TNIK: variants seen among roughly 807,000 people sequenced by gnomAD.
TNIK encodes the protein TRAF2 and NCK interacting kinase, also known as TRAF2 and NCK-interacting protein kinase.
Under a neutral mutation model 191.3 loss-of-function variants are expected in TNIK, and 49 were observed. The ratio of observed to expected loss-of-function variants is 0.26; its 90% CI spans 0.20 to 0.32. The LOEUF (loss-of-function observed/expected upper bound fraction) is 0.32. Among genes scored for constraint, TNIK ranks in the 10% least tolerant of loss-of-function variants. The probability of loss-of-function intolerance (pLI) is 1.00; values close to 1 mark genes in which losing one functional copy is unlikely to be tolerated. For synonymous variants in TNIK, 594 were observed against 600.9 expected (o/e 0.99, Z 0.17); for missense variants, 1,155 against 1,702.3 (o/e 0.68, Z 5.66).
chr3:171,255,979 G>A (rs1291078091), intron 2 of TNIK, among the ~76,000 whole-genome samples: 1 of 152,132 alleles, frequency 6.6e-6, no homozygotes, highest in Non-Finnish European at 1.5e-5. Context: ...AAGGAAGGCA[G>A]TTGTATAGAA....
chr3:171,283,750 A>G (rs4894751), intron 2 of TNIK, among the ~76,000 whole-genome samples: 3,218 of 152,316 alleles, frequency 0.021, 48 homozygotes, highest in Middle Eastern at 0.037. Flanking sequence ...AGCACCAGGA[A>G]CTGGTTCCTA....
In TNIK at chr3:171,110,714, C is replaced by T. The variant is rs753522547; in HGVS notation, c.2284G>A (p.Ala762Thr). 2.5e-6 allele frequency: 4 copies of T among 1,586,158 alleles called. No homozygotes were observed. The highest frequency in any genetic ancestry group is 3.4e-6 in the Non-Finnish European group (4 of 1,165,622). The change falls in exon 19 of 33, where the codon GCC becomes ACC. Residue 762 changes from alanine to threonine, a missense_variant and splice_region_variant. Ala to Thr is a moderately conservative substitution (Grantham distance 58). This residue lies in a region of TNIK where 735 missense variants were observed against 848.0 expected (regional missense o/e 0.87). Transcript: ENST00000436636. ...AGSSERTRVR[A>T]NSKSEGSPVL... ...AGGTAAAGGTAAGAGAAAGTTTTAC[C>T]TCGAACTCTGGTGCGTTCACTGGAT...
Position 171,380,312 on chromosome 3 carries a change from G to A in TNIK, c.58-10627C>T, listed in dbSNP as rs1252562018. On this transcript the variant is annotated intron_variant, in intron 1 of 32. Transcript: ENST00000436636. ...AGACTAGCAAATATTTTGGCCTTTT[G>A]CCTTTTTGAAGATACTTAGATGAAG... Among the ~76,000 whole-genome samples the A allele has an allele frequency of 2.0e-5, 3 of 152,132 alleles. No individual in the cohort carries two copies. In the South Asian group the frequency reaches 6.2e-4, roughly 32 times the overall value.
chr3:171,376,796 G>C (rs551293694), intron 1 of TNIK, among the ~76,000 whole-genome samples: 1 of 140,750 alleles, frequency 7.1e-6, no homozygotes, highest in Non-Finnish European at 1.5e-5. Flanking sequence ...AGATAGATGA[G>C]AGAGATATGG....
chr3:171,123,256 A>G (rs1292534673), intron 18 of TNIK, among the ~76,000 whole-genome samples: 1 of 152,202 alleles, frequency 6.6e-6, no homozygotes, highest in Non-Finnish European at 1.5e-5. Flanking sequence ...TGCTGACTCT[A>G]AACTGATCTC....
intron 23 of TNIK, among the ~76,000 whole-genome samples, chr3:171,088,283 G>A (rs1401960473): frequency 5.4e-5 from 8 of 148,376 alleles, no homozygotes; most frequent in African/African-American, 2.0e-4. Context: ...TGCCCAGGCT[G>A]GAGTGCAGTG....
rs1219895386 is a variant in TNIK, at chr3:171,063,344, A to C, written c.*537T>G. 6.6e-6 allele frequency: 1 copy of C among 152,234 alleles called. No homozygotes were observed. Among genetic ancestry groups the C allele is most frequent in the African/African-American group, 2.4e-5 (1 of 41,464 alleles). 9.4% of individuals were successfully genotyped at this position (152,234 alleles called of 1,614,324 possible). On this transcript the variant is annotated 3_prime_UTR_variant, in exon 33 of 33. Transcript: ENST00000436636. ...GTTGGTGAAGGCAAGAGAGTTCTTA[A>C]ATTACTCCACTATGTAGTTATGGCC...
At chr3:171,171,474 C>T (rs1218559413) in intron 9 of TNIK, among the ~76,000 whole-genome samples, 1 of 152,212 alleles carries the variant, frequency 6.6e-6, no homozygotes, top group African/African-American at 2.4e-5. Context: ...CACTTAGCCT[C>T]ACTGGGCCTG....
At chr3:171,316,835 C>T (rs1754649061) in intron 2 of TNIK, among the ~76,000 whole-genome samples, 1 of 151,408 alleles carries the variant, frequency 6.6e-6, no homozygotes, top group Admixed American at 6.6e-5. Context: ...ACCCATGCAA[C>T]TACTATTTAC....
chr3:171,298,663 G>A (rs1752574128), intron 2 of TNIK, among the ~76,000 whole-genome samples: 1 of 152,154 alleles, frequency 6.6e-6, no homozygotes, highest in South Asian at 2.1e-4. Flanking sequence ...CCATGGGCCT[G>A]GGTCCCTGAA....
At chr3:171,165,416 A>AGG (rs199996312) in intron 10 of TNIK, among the ~76,000 whole-genome samples, 1 of 96,418 alleles carries the variant, frequency 1.0e-5, no homozygotes, top group Non-Finnish European at 2.1e-5. Context: ...AACTCATCTC[A>AGG]AAAAAAAAAA....
intron 2 of TNIK, among the ~76,000 whole-genome samples, chr3:171,275,490 C>G (rs183654312): frequency 1.3e-5 from 2 of 151,954 alleles, no homozygotes; most frequent in Non-Finnish European, 1.5e-5. Context: ...AAGAAGTAAA[C>G]TAGAAAAAAT....
At chr3:171,345,950 A>T (rs1453960411) in intron 2 of TNIK, among the ~76,000 whole-genome samples, 1 of 152,116 alleles carries the variant, frequency 6.6e-6, no homozygotes, top group Non-Finnish European at 1.5e-5. Flanking sequence ...TGATGAATGG[A>T]TGGATGGATG....
intron 1 of TNIK, among the ~76,000 whole-genome samples, chr3:171,439,895 G>A (rs1376310854): frequency 6.6e-6 from 1 of 152,158 alleles, no homozygotes; most frequent in Non-Finnish European, 1.5e-5. Flanking sequence ...AGCTCAGCAT[G>A]TGCTCAGTTT....
intron 7 of TNIK, among the ~76,000 whole-genome samples, chr3:171,178,845 G>A (rs1340478544): frequency 3.3e-5 from 5 of 152,184 alleles, no homozygotes; most frequent in African/African-American, 9.7e-5. Flanking sequence ...TCAAACAAAT[G>A]TCAAGGCCAC....
rs77800434 is a variant in TNIK at position 171,346,063 on chromosome 3, C to T, written c.123+23557G>A. Among the ~76,000 whole-genome samples the T allele has an allele frequency of 4.0e-3, 608 of 152,088 alleles. 3 individuals carry two copies. The highest frequency in any genetic ancestry group is 0.01 in the Middle Eastern group (3 of 294). ...TTTCTATAAGGTGGTCAGGGAAGGC[C>T]TCTCTAATAAAATGACATTTGAGTA... is the stretch of plus-strand genomic sequence containing the variant. On this transcript the variant is annotated intron_variant, in intron 2 of 32. Transcript: ENST00000436636.
At chr3:171,072,308 TAA>T (rs945545324) in intron 28 of TNIK, among the ~76,000 whole-genome samples, 1 of 152,280 alleles carries the variant, frequency 6.6e-6, no homozygotes, top group South Asian at 2.1e-4. Flanking sequence ...TAAATGACAT[TAA>T]GTTTCCAGTT....
Position 171,128,821 on chromosome 3 carries a change from C to T in TNIK, c.1666G>A (p.Ala556Thr). 1 of 1,590,668 alleles carries T rather than the reference C, an allele frequency of 6.3e-7. No individual in the cohort carries two copies. Among genetic ancestry groups the T allele is most frequent in the Non-Finnish European group, 8.5e-7 (1 of 1,170,494 alleles). Residue 556 changes from alanine (A) to threonine (T), a missense_variant, in exon 16 of 33, where the codon GCC (alanine) becomes ACC (threonine). This residue lies in a region of TNIK where 735 missense variants were observed against 848.0 expected (regional missense o/e 0.87). Coordinates refer to ENST00000436636, the MANE Select transcript of TNIK (RefSeq NM_015028.4). ...QSSPAMPHKV[A>T]NRISDPNLPP... is the part of the protein sequence containing the mutation. ...AGGTTGGGGTCAGATATCCTGTTGG[C>T]AACCTTGTGAGGCATGGCAGGGGAA...
chr3:171,104,666 A>G (rs998487236), intron 21 of TNIK, among the ~76,000 whole-genome samples: 1 of 151,900 alleles, frequency 6.6e-6, no homozygotes, highest in African/African-American at 2.4e-5. Flanking sequence ...TATTCAAATA[A>G]ATATTAGTTC....
Sources: gnomAD v4.1 joint callset for allele counts (sites outside exome capture counted in the v4.1 genomes callset) on GRCh38, gnomAD v4.1.1 for gene constraint, gnomAD v4.1.1 regional missense constraint, MANE v1.5 for transcripts, NCBI Gene and HGNC (gene_info 2026-07-23, HGNC 2026-07-21) for gene names.